The following PABPC1 variants were observed in gnomAD, a reference collection of about 807,000 sequenced individuals.
PABPC1 encodes the protein polyadenylate-binding protein 1.
A neutral mutation model predicts 74.0 loss-of-function variants in PABPC1; 4 were observed. The observed-to-expected ratio is 0.05, with a 90% CI of 0.03 to 0.12. The LOEUF is 0.12. Ranked by LOEUF, PABPC1 falls within the 10% of genes least tolerant of loss-of-function variation. PABPC1 has a pLI of 1.00. For synonymous variants in PABPC1, 227 were observed against 264.1 expected, an observed-to-expected ratio of 0.86 and a Z score of 1.36; for missense variants, 271 against 821.1, an observed-to-expected ratio of 0.33 and a Z score of 8.19.
At chr8:100,713,281 T>A in intron 4 of PABPC1, 100 bp from the exon 5 acceptor site, 2 of 641,628 alleles carry the variant, frequency 3.1e-6, no homozygotes, top group Non-Finnish European at 5.0e-6. Context: ...ATTTCAAAGC[T>A]CCGTAACTTG....
At chr8:100,720,298 T>C (rs926128047) in intron 1 of PABPC1, among the ~76,000 whole-genome samples, 9 of 152,226 alleles carry the variant, frequency 5.9e-5, no homozygotes, top group Admixed American at 6.5e-5. Flanking sequence ...GTTAACTGTT[T>C]AGCTTCAAAA....
At chr8:100,720,616 A>C (rs1198518227) in intron 1 of PABPC1, among the ~76,000 whole-genome samples, 2 of 152,218 alleles carry the variant, frequency 1.3e-5, no homozygotes, top group Non-Finnish European at 2.9e-5. Flanking sequence ...ATAAAATTTG[A>C]CTAAAAATGG....
rs1355611060 is a variant in PABPC1, at chr8:100,721,682, G to A, written c.-99C>T. On this transcript the variant is annotated 5_prime_UTR_variant, in exon 1 of 15. Transcript: ENST00000318607. The surrounding 1 kb of genome is among the most constrained non-coding windows in gnomAD (Gnocchi z 7.4). ...GGGCCGGAGCCGGGGGGAGGGGAGC[G>A]GGGAGCAAGCGCAGAGGGACAAAAA... is the stretch of plus-strand genomic sequence containing the variant. 3 of 1,025,152 alleles carry A rather than the reference G, an allele frequency of 2.9e-6. No individual in the cohort carries two copies. The Admixed American group carries it at 9.8e-5, about 33-fold the overall frequency. 63.5% of individuals were successfully genotyped at this position (1,025,152 alleles called of 1,614,324 possible).
In PABPC1 at chr8:100,713,253, T is replaced by C. The variant is rs187371011; in HGVS notation, c.644-72A>G. 1.9e-5 allele frequency: 17 copies of C among 884,220 alleles called. No homozygotes were observed. In the Admixed American group the frequency reaches 2.1e-4, roughly 11 times the overall value. The allele number at this position is 884,220 out of a possible 1,614,324, so 54.8% of individuals were successfully genotyped here. A position where few individuals can be genotyped will look rare whatever the true frequency, so the allele number is the denominator to read the frequency against. ...ACGTTATACATTTCAAATTTCAACA[T>C]ACAAAGCCATGAAAAAAATTTCAAA... On this transcript the variant is annotated intron_variant, in intron 4 of 14. Coordinates refer to ENST00000318607, the MANE Select transcript of PABPC1 (RefSeq NM_002568.4).
Position 100,721,427 on chromosome 8 carries a change from C to G in PABPC1, c.157G>C (p.Gly53Arg). The G allele has an allele frequency of 6.3e-7, 1 of 1,598,350 alleles. No homozygotes were observed. Among genetic ancestry groups the G allele is most frequent in the Non-Finnish European group, 8.5e-7 (1 of 1,172,322 alleles). ...TGCTGGAAGTTCACATACGCGTAGC[C>G]CAAGGAGCGGCGGGTGATCATGTCC... ...CRDMITRRSLGYAYVNFQQPA... is the reference protein window; with the variant it reads ...CRDMITRRSLRYAYVNFQQPA... Residue 53 changes from glycine to arginine, a missense_variant, in exon 1 of 15, where the codon GGC (glycine) becomes CGC (arginine). Gly to Arg is a moderately radical substitution (Grantham distance 125). Transcript: ENST00000318607. The surrounding 1 kb of genome is among the most constrained non-coding windows in gnomAD (Gnocchi z 7.4).
chr8:100,719,208 T>C (rs1329914425), intron 1 of PABPC1, among the ~76,000 whole-genome samples: 2 of 152,114 alleles, frequency 1.3e-5, no homozygotes, highest in Admixed American at 6.5e-5. Context: ...GGGAAAACGG[T>C]CCCTTTTAAG....
At position 100,709,176 on chromosome 8, in the gene PABPC1, T is replaced by C. The variant is rs1436587045; in HGVS notation, c.1293A>G (p.Leu431=). ...GAGCAGTCCAGCGAGGACTTGGTCT[T>C]AGTTGAGCAATTTGGCTAGGAGGAT... ...AYYPPSQIAQ[L]RPSPRWTAQG... is the part of the protein sequence containing the mutation. Residue 431 remains leucine, a synonymous_variant, in exon 9 of 15, where the codon CTA becomes CTG. Transcript: ENST00000318607. The C allele has an allele frequency of 6.2e-7, 1 of 1,614,106 alleles. No individual in the cohort carries two copies. Among genetic ancestry groups the C allele is most frequent in the African/African-American group, 1.3e-5 (1 of 75,038 alleles).
intron 7 of PABPC1, among the ~76,000 whole-genome samples, chr8:100,710,610 T>G (rs537625962): frequency 1.1e-4 from 17 of 152,244 alleles, no homozygotes; most frequent in African/African-American, 3.6e-4. Flanking sequence ...AATGTAGAAA[T>G]AGAGAGAAAA....
intron 7 of PABPC1, among the ~76,000 whole-genome samples, chr8:100,710,784 C>T (rs1007023263): frequency 6.7e-5 from 10 of 150,208 alleles, no homozygotes; most frequent in East Asian, 2.0e-4. Flanking sequence ...GTCAGGAGTT[C>T]GAGACCAGCC....
rs184093707 is a variant in PABPC1, at chr8:100,707,410, T to C, written c.1337-413A>G. 1.7e-3 allele frequency among the ~76,000 whole-genome samples: 253 copies of C among 151,016 alleles called. 1 individual carries two copies. The highest frequency in any genetic ancestry group is 3.4e-3 in the Middle Eastern group (1 of 292). On this transcript the variant is annotated intron_variant, in intron 9 of 14. Transcript: ENST00000318607. ...TGGAAACAAAACACAAGGGGCAGGG[T>C]AAAGAGTGTGAGTCATCTCCAATGA...
chr8:100,712,348 A>G lies in PABPC1; in HGVS notation c.972+14T>C, dbSNP rs1250780091. 7 of 1,360,584 alleles carry G rather than the reference A, an allele frequency of 5.1e-6. No homozygotes were observed. The highest frequency in any genetic ancestry group is 2.3e-5 in the East Asian group (1 of 43,222). The allele number at this position is 1,360,584 out of a possible 1,614,324, so 84.3% of individuals were successfully genotyped here. A position where few individuals can be genotyped will look rare whatever the true frequency, so the allele number is the denominator to read the frequency against. ...TTACTAGACCTCAAATAAATGAACC[A>G]TATGTTTTCTTACCTTTGCACTAGT... On this transcript the variant is annotated intron_variant, in intron 7 of 14. Transcript: ENST00000318607.
At chr8:100,707,889 C>A (rs1279661123) in intron 9 of PABPC1, among the ~76,000 whole-genome samples, 2 of 152,246 alleles carry the variant, frequency 1.3e-5, no homozygotes, top group Non-Finnish European at 2.9e-5. Flanking sequence ...GGCGTTACCA[C>A]TAGACCAAGG....
At chr8:100,705,460 T>C in intron 12 of PABPC1, 129 bp downstream of exon 12, 1 of 728,818 alleles carries the variant, frequency 1.4e-6, no homozygotes, top group East Asian at 2.7e-5. Context: ...CCAACTGTAC[T>C]ATCATAATCA....
Position 100,720,537 on chromosome 8 carries a change from C to T in PABPC1, c.193+854G>A, listed in dbSNP as rs145011834. Among the ~76,000 whole-genome samples the T allele has an allele frequency of 5.2e-4, 79 of 152,268 alleles. 2 individuals are homozygous for T. In the East Asian group the frequency reaches 6.4e-3, roughly 12 times the overall value. On this transcript the variant is annotated intron_variant, in intron 1 of 14. Coordinates refer to ENST00000318607, the MANE Select transcript of PABPC1 (RefSeq NM_002568.4). ...GACTATTTTATAAAGAAAAGCCCCT[C>T]AAAACGACAGGAACTATTTCAGAAG...
chr8:100,704,085 A>G (rs1341553791), intron 14 of PABPC1: 2 of 446,900 alleles, frequency 4.5e-6, no homozygotes, highest in Non-Finnish European at 7.9e-6. Context: ...ACACCACCTG[A>G]AAGTCCTGGG....
rs1019894226 is a variant in PABPC1 at position 100,709,641 on chromosome 8, C to A, written c.1063G>T (p.Gly355Cys). 1 of 1,613,922 alleles carries A rather than the reference C, an allele frequency of 6.2e-7. No individual in the cohort carries two copies. The highest frequency in any genetic ancestry group is 1.3e-5 in the African/African-American group (1 of 74,876). ...AATGGCTTTGTGGCCACAATTCTAC[C>A]GTTCATTTCTGTAACTGCTTTAGTG... ...EATKAVTEMN[G>C]RIVATKPLYV... is the part of the protein sequence containing the mutation. The change falls in exon 8 of 15, where the codon GGT becomes TGT. Residue 355 changes from glycine (G) to cysteine (C), a missense_variant. By Grantham distance (159) the Gly-to-Cys change is radical. Transcript: ENST00000318607.
At chr8:100,717,621 A>G (rs764231986) in intron 3 of PABPC1, 152 bp downstream of exon 3, 1 of 598,254 alleles carries the variant, frequency 1.7e-6, no homozygotes, top group Non-Finnish European at 3.0e-6. Flanking sequence ...GTACAACTAC[A>G]TGAATTTTTG....
At chr8:100,715,122 T>TACACACACACACACACACACACAC (rs56819980) in intron 4 of PABPC1, among the ~76,000 whole-genome samples, 2 of 131,302 alleles carry the variant, frequency 1.5e-5, no homozygotes, top group African/African-American at 5.6e-5. Context: ...GATCTCTAAT[T>TACACACACACACACACACACACAC]ACACACACAC....
intron 4 of PABPC1, among the ~76,000 whole-genome samples, chr8:100,714,868 T>C (rs896542394): frequency 6.6e-6 from 1 of 152,254 alleles, no homozygotes; most frequent in Non-Finnish European, 1.5e-5. Context: ...TTATCTGTTA[T>C]ACCCCTACCT....
Sources: gnomAD v4.1 joint callset for allele counts (sites outside exome capture counted in the v4.1 genomes callset) on GRCh38, gnomAD v4.1.1 for gene constraint, Gnocchi (gnomAD v3.1) non-coding constraint, MANE v1.5 for transcripts, NCBI Gene and HGNC (gene_info 2026-07-23, HGNC 2026-07-21) for gene names.